RC3H2: variants seen among roughly 807,000 people sequenced by gnomAD.
The protein encoded by RC3H2 is roquin-2.
RC3H2 carries 31 observed loss-of-function variants against 133.3 expected under a neutral mutation model. That is an observed-to-expected ratio of 0.23 (90% CI 0.17 to 0.31). The LOEUF (loss-of-function observed/expected upper bound fraction) is 0.31, where lower values mean the gene tolerates loss of function less well. RC3H2 is among the 10% of genes least tolerant of loss of function. The pLI is 1.00. For synonymous variants in RC3H2, 517 were observed against 502.2 expected (o/e 1.03, Z -0.40); for missense variants, 1,175 against 1,437.2 (o/e 0.82, Z 2.95).
chr9:122,856,804 T>C (rs192904886), intron 13 of RC3H2, among the ~76,000 whole-genome samples: 212 of 152,250 alleles, frequency 1.4e-3, no homozygotes, highest in Non-Finnish European at 2.5e-3. Context: ...TAAAAAACTT[T>C]TCTCAAGTCG....
chr9:122,875,269 A>C, intron 9 of RC3H2: 1 of 1,551,020 alleles, frequency 6.4e-7, no homozygotes. Context: ...TCTTCTCTCT[A>C]TCACAATGCT....
chr9:122,903,509 T>A (rs1832733169), intron 1 of RC3H2, among the ~76,000 whole-genome samples: 1 of 152,198 alleles, frequency 6.6e-6, no homozygotes, highest in South Asian at 2.1e-4. Flanking sequence ...GAGTATGATT[T>A]AACAAAAATA....
rs1588045349 is a variant in RC3H2, at chr9:122,849,555, A to G, written c.*72T>C. 1.7e-6 allele frequency: 1 copy of G among 602,692 alleles called. No homozygotes were observed. Among genetic ancestry groups the G allele is most frequent in the East Asian group, 4.5e-5 (1 of 22,284 alleles). 37.3% of individuals were successfully genotyped at this position (602,692 alleles called of 1,614,324 possible). On this transcript the variant is annotated 3_prime_UTR_variant, in exon 21 of 21. Coordinates refer to ENST00000357244, the MANE Select transcript of RC3H2 (RefSeq NM_001100588.3). Reference sequence around the variant, plus strand: ...AAAAAAAATATACATTATATAATATATATTATATATATAAAAAGCTAGTGT... The same window carrying G: ...AAAAAAAATATACATTATATAATATGTATTATATATATAAAAAGCTAGTGT...
intron 1 of RC3H2, among the ~76,000 whole-genome samples, chr9:122,899,845 G>A (rs1045292676): frequency 1.3e-5 from 2 of 152,156 alleles, no homozygotes; most frequent in African/African-American, 4.8e-5. Flanking sequence ...TTTTCATAAT[G>A]GCCACCTGTT....
At chr9:122,890,937 C>T (rs907768904) in intron 3 of RC3H2, among the ~76,000 whole-genome samples, 36 of 151,160 alleles carry the variant, frequency 2.4e-4, no homozygotes, top group African/African-American at 7.8e-4. Context: ...AGAATAAGAA[C>T]AAGTATGCTG....
chr9:122,874,444 A>G (rs961437179), intron 9 of RC3H2: 2 of 152,104 alleles, frequency 1.3e-5, no homozygotes, highest in African/African-American at 4.8e-5. Context: ...AACACTAAAA[A>G]TGTGACCAAT....
chr9:122,893,937 G>A (rs1832304361), intron 2 of RC3H2, among the ~76,000 whole-genome samples: 1 of 152,100 alleles, frequency 6.6e-6, no homozygotes, highest in African/African-American at 2.4e-5. Flanking sequence ...AAATGAAGAT[G>A]AAAATCTGTA....
At position 122,880,103 on chromosome 9, in the gene RC3H2, G is replaced by T; in HGVS notation, c.983C>A (p.Ala328Glu). ...IDKLQSPESF[A>E]KSVQELTIVL... Reference sequence around the variant, plus strand: ...AATTGTCAATTCCTGGACACTCTTTGCAAATGACTCTGGAGACTGTAGCTA... The same window carrying T: ...AATTGTCAATTCCTGGACACTCTTTTCAAATGACTCTGGAGACTGTAGCTA... The change falls in exon 7 of 21, where the codon GCA (alanine) becomes GAA (glutamate). Residue 328 changes from alanine to glutamate, a missense_variant. Around this residue, in one of 8 missense-constraint regions of RC3H2, gnomAD observed 131 missense variants for 154.2 expected, o/e 0.85. Coordinates refer to ENST00000357244, the MANE Select transcript of RC3H2 (RefSeq NM_001100588.3). The T allele has an allele frequency of 6.2e-7, 1 of 1,614,118 alleles. No individual in the cohort carries two copies. Among genetic ancestry groups the T allele is most frequent in the Non-Finnish European group, 8.5e-7 (1 of 1,179,976 alleles).
At chr9:122,854,347 G>C in intron 16 of RC3H2, 81 bp from the exon 17 acceptor site, 2 of 1,323,706 alleles carry the variant, frequency 1.5e-6, no homozygotes, top group Non-Finnish European at 2.1e-6. Flanking sequence ...TGTTTTATGT[G>C]ACAGATCAAC....
chr9:122,880,471 T>C (rs2131460854), intron 6 of RC3H2, 123 bp downstream of exon 6: 1 of 796,300 alleles, frequency 1.3e-6, no homozygotes, highest in South Asian at 1.7e-5. Context: ...GGATAATTTA[T>C]AAGAGTCTGA....
intron 13 of RC3H2, among the ~76,000 whole-genome samples, chr9:122,856,271 G>C (rs895247429): frequency 6.6e-6 from 1 of 151,956 alleles, no homozygotes; most frequent in African/African-American, 2.4e-5. Context: ...TTTCTTTTGA[G>C]ACAGGGTCTC....
intron 1 of RC3H2, 90 bp downstream of exon 1, chr9:122,905,020 C>G: frequency 1.1e-6 from 1 of 904,110 alleles, no homozygotes; most frequent in Non-Finnish European, 1.3e-6. Flanking sequence ...GCGCACAGGC[C>G]CCAGGGCTGA....
chr9:122,868,761 TAAATA>T (rs961583752), intron 9 of RC3H2, among the ~76,000 whole-genome samples: 6 of 151,030 alleles, frequency 4.0e-5, no homozygotes, highest in Admixed American at 1.3e-4. Context: ...AATAAATAAA[TAAATA>T]AAAAGAAAAT....
At chr9:122,879,475 T>C (rs2131457645) in intron 8 of RC3H2, among the ~76,000 whole-genome samples, 1 of 152,136 alleles carries the variant, frequency 6.6e-6, no homozygotes. Flanking sequence ...TTTCCCACAG[T>C]AGAAAAGAAT....
At chr9:122,862,891 CAAAA>C (rs1168612532) in intron 10 of RC3H2, among the ~76,000 whole-genome samples, 71 of 48,162 alleles carry the variant, frequency 1.5e-3, no homozygotes, top group African/African-American at 5.3e-3. Context: ...GACTCCATCT[CAAAA>C]AAAAAAAAAA....
intron 11 of RC3H2, 85 bp downstream of exon 11, chr9:122,859,832 A>C: frequency 1.8e-6 from 2 of 1,142,434 alleles, no homozygotes. Flanking sequence ...AATTTTTTTA[A>C]ATGTAGACAT....
intron 1 of RC3H2, 27 bp downstream of exon 1, chr9:122,905,083 G>A (rs1832791850): frequency 1.0e-5 from 10 of 985,094 alleles, no homozygotes; most frequent in Admixed American, 6.1e-5. Context: ...TGGGGCCCGA[G>A]CCGCATCGTG....
intron 4 of RC3H2, among the ~76,000 whole-genome samples, chr9:122,885,696 C>A (rs1352464015): frequency 6.6e-6 from 1 of 152,082 alleles, no homozygotes; most frequent in Non-Finnish European, 1.5e-5. Context: ...CCACATAATT[C>A]AGTGGTATTT....
chr9:122,875,390 T>C, intron 9 of RC3H2: 1 of 1,527,216 alleles, frequency 6.5e-7, no homozygotes, highest in African/African-American at 1.4e-5. Context: ...AGACAAACAT[T>C]TAATAAACAG....
Sources: gnomAD v4.1 joint callset for allele counts (sites outside exome capture counted in the v4.1 genomes callset) on GRCh38, gnomAD v4.1.1 for gene constraint, gnomAD v4.1.1 regional missense constraint, MANE v1.5 for transcripts, NCBI Gene and HGNC (gene_info 2026-07-23, HGNC 2026-07-21) for gene names.